SLC13A3: variants seen among roughly 807,000 people sequenced by gnomAD.
SLC13A3 encodes the protein Na(+)/dicarboxylate cotransporter 3.
In SLC13A3, 40 loss-of-function variants were observed where a neutral mutation model predicts 59.0. The observed-to-expected ratio is 0.68, with a 90% CI of 0.53 to 0.88. SLC13A3 has a LOEUF of 0.88. Among genes scored for constraint, SLC13A3 ranks in the 40% least tolerant of loss-of-function variants. The pLI is 0.00. For synonymous variants in SLC13A3, 317 were observed against 330.3 expected, an observed-to-expected ratio of 0.96 and a Z score of 0.44; for missense variants, 699 against 783.2, an observed-to-expected ratio of 0.89 and a Z score of 1.28.
chr20:46,560,059 G>T lies in SLC13A3; in HGVS notation c.1772C>A (p.Pro591Gln). Reference protein sequence around the residue: ...DMYSVNVTALPPTLANDTFRT... With the variant: ...DMYSVNVTALQPTLANDTFRT... The stretch of plus-strand genomic sequence containing the variant: ...AAATGTGTCATTGGCCAAGGTGGGT[G>T]GCAATGCTGTGACATTGACCGAGTA... Residue 591 changes from proline (P) to glutamine (Q), a missense_variant, in exon 13 of 13, where the codon CCA becomes CAA. By Grantham distance (76) the Pro-to-Gln change is moderately conservative. Coordinates refer to ENST00000279027, the MANE Select transcript of SLC13A3 (RefSeq NM_022829.6). 6.2e-7 allele frequency: 1 copy of T among 1,614,204 alleles called. No homozygotes were observed. Among genetic ancestry groups the T allele is most frequent in the Non-Finnish European group, 8.5e-7 (1 of 1,180,042 alleles).
chr20:46,652,109 C>G (rs1424613602), upstream of SLC13A3, among the ~76,000 whole-genome samples: 6 of 152,280 alleles, frequency 3.9e-5, no homozygotes, highest in East Asian at 1.2e-3. Context: ...TGGGAGGAGA[C>G]AGAGGATCAG....
chr20:46,574,312 G>T (rs547342957), intron 10 of SLC13A3, among the ~76,000 whole-genome samples: 1 of 152,132 alleles, frequency 6.6e-6, no homozygotes, highest in Non-Finnish European at 1.5e-5. Context: ...TAAGAGAGTT[G>T]CTTAATTTTT....
intron 9 of SLC13A3, 59 bp from the exon 10 acceptor site, chr20:46,575,744 AC>A: frequency 9.5e-7 from 1 of 1,051,912 alleles, no homozygotes; most frequent in Non-Finnish European, 1.4e-6. Context: ...GGCAGAGGCC[AC>A]CAGCCCTGAG....
chr20:46,634,798 C>G (rs1195311250), intron 1 of SLC13A3, among the ~76,000 whole-genome samples: 2 of 152,158 alleles, frequency 1.3e-5, no homozygotes, highest in Non-Finnish European at 2.9e-5. Context: ...CATGGTGTGA[C>G]CTTGGGCAGC....
chr20:46,562,353 G>A (rs527333279), intron 12 of SLC13A3, among the ~76,000 whole-genome samples: 1 of 152,170 alleles, frequency 6.6e-6, no homozygotes, highest in East Asian at 1.9e-4. Context: ...TGGAGCACTC[G>A]CTGCTATTCC....
chr20:46,593,074 G>A (rs1013235995), intron 5 of SLC13A3, among the ~76,000 whole-genome samples: 1 of 152,200 alleles, frequency 6.6e-6, no homozygotes, highest in African/African-American at 2.4e-5. Context: ...CCAGGCAATG[G>A]TGATGTCGAT....
At chr20:46,570,151 C>T (rs2062017575) in intron 10 of SLC13A3, among the ~76,000 whole-genome samples, 1 of 152,224 alleles carries the variant, frequency 6.6e-6, no homozygotes, top group Non-Finnish European at 1.5e-5. Flanking sequence ...TAATTAACAT[C>T]TCTGTTCCTT....
At chr20:46,583,694 C>T (rs779512270) in intron 8 of SLC13A3, 25 bp from the exon 9 acceptor site, 23 of 1,613,650 alleles carry the variant, frequency 1.4e-5, no homozygotes, top group Admixed American at 6.7e-5. Flanking sequence ...CCCCAAATCA[C>T]GTGACCATGG....
chr20:46,585,425 G>C (rs1353686929), intron 8 of SLC13A3: 1 of 991,210 alleles, frequency 1.0e-6, no homozygotes, highest in Admixed American at 6.1e-5. Flanking sequence ...AAATTAAAAA[G>C]CGGATTACAA....
At chr20:46,628,477 G>C (rs563202966) in intron 1 of SLC13A3, among the ~76,000 whole-genome samples, 1 of 152,280 alleles carries the variant, frequency 6.6e-6, no homozygotes, top group African/African-American at 2.4e-5. Context: ...AAGGCCTAAC[G>C]GAGTCTGCAT....
intron 3 of SLC13A3, among the ~76,000 whole-genome samples, chr20:46,604,939 T>C (rs1013562542): frequency 1.3e-5 from 2 of 152,096 alleles, no homozygotes; most frequent in African/African-American, 4.8e-5. Flanking sequence ...TCTACCCTCT[T>C]CCCACCTGGG....
At chr20:46,623,643 T>C (rs1014247795) in intron 1 of SLC13A3, among the ~76,000 whole-genome samples, 1 of 152,222 alleles carries the variant, frequency 6.6e-6, no homozygotes, top group African/African-American at 2.4e-5. Context: ...CAGGGTAGTG[T>C]TGCAGCTTAC....
chr20:46,570,722 A>C (rs562674282), intron 10 of SLC13A3, among the ~76,000 whole-genome samples: 1 of 152,326 alleles, frequency 6.6e-6, no homozygotes, highest in East Asian at 1.9e-4. Flanking sequence ...AATCGTTGTG[A>C]AGTCAGGAAC....
chr20:46,604,942 C>T (rs1047901192), intron 3 of SLC13A3, among the ~76,000 whole-genome samples: 1 of 152,202 alleles, frequency 6.6e-6, no homozygotes, highest in Non-Finnish European at 1.5e-5. Context: ...ACCCTCTTCC[C>T]ACCTGGGTGC....
intron 1 of SLC13A3, among the ~76,000 whole-genome samples, chr20:46,629,688 A>G (rs941751045): frequency 3.9e-5 from 6 of 152,058 alleles, no homozygotes. Flanking sequence ...TTTATAACAG[A>G]ATAGCTTTAT....
intron 1 of SLC13A3, among the ~76,000 whole-genome samples, chr20:46,619,426 G>C (rs2062593275): frequency 6.6e-6 from 1 of 152,194 alleles, no homozygotes; most frequent in Non-Finnish European, 1.5e-5. Context: ...AACTTCATCA[G>C]CTTTCACTGA....
intron 1 of SLC13A3, among the ~76,000 whole-genome samples, chr20:46,624,243 C>G (rs1279434596): frequency 3.3e-5 from 5 of 152,228 alleles, no homozygotes; most frequent in Non-Finnish European, 7.3e-5. Flanking sequence ...AGTTCTTCCT[C>G]TCTTCATGCA....
intron 10 of SLC13A3, among the ~76,000 whole-genome samples, chr20:46,571,908 G>T (rs546727445): frequency 3.9e-5 from 6 of 152,284 alleles, no homozygotes; most frequent in African/African-American, 1.4e-4. Flanking sequence ...TGATGTGGCT[G>T]AGGAAGGGGC....
chr20:46,638,003 T>C (rs1366721156), intron 1 of SLC13A3, among the ~76,000 whole-genome samples: 1 of 152,190 alleles, frequency 6.6e-6, no homozygotes, highest in East Asian at 1.9e-4. Flanking sequence ...AAGCGGTTGA[T>C]GTCTGGTTTA....
Sources: gnomAD v4.1 joint callset for allele counts (sites outside exome capture counted in the v4.1 genomes callset) on GRCh38, gnomAD v4.1.1 for gene constraint, MANE v1.5 for transcripts, NCBI Gene and HGNC (gene_info 2026-07-23, HGNC 2026-07-21) for gene names.